The following CNTN1 variants were observed in gnomAD, a reference collection of about 807,000 sequenced individuals.
The protein encoded by CNTN1 is contactin-1.
In CNTN1, 38 loss-of-function variants were observed where a neutral mutation model predicts 126.4. The ratio of observed to expected loss-of-function variants is 0.30; its 90% CI spans 0.23 to 0.39. The LOEUF is 0.39. Among genes scored for constraint, CNTN1 ranks in the 10% least tolerant of loss-of-function variants. CNTN1 has a pLI of 1.00. For synonymous variants in CNTN1, 413 were observed against 422.6 expected (o/e 0.98, Z 0.28); for missense variants, 1,009 against 1,248.4 (o/e 0.81, Z 2.89).
At chr12:41,037,176 A>T (rs1260791887) in intron 23 of CNTN1, among the ~76,000 whole-genome samples, 2 of 152,168 alleles carry the variant, frequency 1.3e-5, no homozygotes, top group Non-Finnish European at 2.9e-5. Context: ...ATGGATTGGT[A>T]TGGTTTATTT....
chr12:40,811,840 A>AC, intron 1 of CNTN1, among the ~76,000 whole-genome samples: 1 of 143,670 alleles, frequency 7.0e-6, no homozygotes, highest in Middle Eastern at 3.6e-3. Flanking sequence ...AAAAAAAAAA[A>AC]CTCTTAGTGT....
At chr12:40,810,594 A>ATTT (rs35584090) in intron 1 of CNTN1, among the ~76,000 whole-genome samples, 1 of 148,090 alleles carries the variant, frequency 6.8e-6, no homozygotes, top group African/African-American at 2.5e-5. Context: ...TATGAGATTG[A>ATTT]TTTTTTTTTT....
At chr12:40,980,448 C>CAAAAAAAAAAAAAAAAACAA (rs5797694) in intron 15 of CNTN1, among the ~76,000 whole-genome samples, 1 of 128,598 alleles carries the variant, frequency 7.8e-6, no homozygotes. Context: ...GACCCTAACT[C>CAAAAAAAAAAAAAAAAACAA]AAAAAAAAAA....
intron 23 of CNTN1, among the ~76,000 whole-genome samples, chr12:41,038,893 T>C (rs910063928): frequency 6.6e-6 from 1 of 152,018 alleles, no homozygotes; most frequent in African/African-American, 2.4e-5. Flanking sequence ...AAGGAAATGC[T>C]TGAAAAAAAA....
intron 23 of CNTN1, among the ~76,000 whole-genome samples, chr12:41,030,386 A>G (rs751926139): frequency 6.6e-6 from 1 of 152,064 alleles, no homozygotes; most frequent in Non-Finnish European, 1.5e-5. Context: ...TCAAAATAGA[A>G]CTTTGATTTT....
chr12:41,053,149 A>G (rs1437227855), intron 23 of CNTN1, among the ~76,000 whole-genome samples: 1 of 151,506 alleles, frequency 6.6e-6, no homozygotes, highest in Non-Finnish European at 1.5e-5. Flanking sequence ...ATGCCATCAC[A>G]TTTGAAAAAT....
chr12:40,890,740 T>G (rs1212755615), intron 1 of CNTN1, among the ~76,000 whole-genome samples: 2 of 152,238 alleles, frequency 1.3e-5, no homozygotes, highest in Non-Finnish European at 2.9e-5. Flanking sequence ...ACAGGTTATT[T>G]ATTGATTCCT....
chr12:40,985,606 G>T (rs948697002), intron 16 of CNTN1, among the ~76,000 whole-genome samples: 7 of 152,118 alleles, frequency 4.6e-5, no homozygotes, highest in Non-Finnish European at 8.8e-5. Context: ...CCCTGCACTT[G>T]ATATGTCCCT....
chr12:41,047,622 GCCACT>G (rs1949574286), intron 23 of CNTN1, among the ~76,000 whole-genome samples: 1 of 151,876 alleles, frequency 6.6e-6, no homozygotes, highest in South Asian at 2.1e-4. Flanking sequence ...AGCCTCTAGG[GCCACT>G]CTTACTCATT....
At chr12:40,739,439 C>T (rs1306185934) in intron 1 of CNTN1, among the ~76,000 whole-genome samples, 3 of 152,026 alleles carry the variant, frequency 2.0e-5, no homozygotes, top group Non-Finnish European at 4.4e-5. Flanking sequence ...AAAACAATTT[C>T]AGGATATTTC....
At chr12:41,046,797 GTTC>G (rs1412936285) in intron 23 of CNTN1, among the ~76,000 whole-genome samples, 2 of 145,892 alleles carry the variant, frequency 1.4e-5, no homozygotes, top group African/African-American at 5.0e-5. Context: ...AACTCCAGCA[GTTC>G]TTCTACTTTC....
chr12:40,806,739 A>G (rs200598359), intron 1 of CNTN1, among the ~76,000 whole-genome samples: 1 of 152,132 alleles, frequency 6.6e-6, no homozygotes, highest in East Asian at 1.9e-4. Flanking sequence ...TTAAGTCTCA[A>G]TCACACACAT....
intron 23 of CNTN1, among the ~76,000 whole-genome samples, chr12:41,068,402 G>A (rs1021434788): frequency 1.3e-5 from 2 of 152,098 alleles, no homozygotes; most frequent in African/African-American, 4.8e-5. Context: ...CTTGAGGGCT[G>A]TTTATATTCC....
At position 40,922,191 on chromosome 12, in the gene CNTN1, G is replaced by A. The variant is rs1024759013; in HGVS notation, c.228-65G>A. 12 of 1,396,016 alleles carry A rather than the reference G, an allele frequency of 8.6e-6. No homozygotes were observed. The African/African-American group carries it at 1.1e-4, about 13-fold the overall frequency. 86.5% of individuals were successfully genotyped at this position (1,396,016 alleles called of 1,614,324 possible). A position where few individuals can be genotyped will look rare whatever the true frequency, so the allele number is the denominator to read the frequency against. On this transcript the variant is annotated intron_variant, in intron 4 of 23. Coordinates refer to ENST00000551295, the MANE Select transcript of CNTN1 (RefSeq NM_001843.4). ...CGTACCCAAATTATTTTAGAACTGT[G>A]TTAGCTCCGTAGAGTTTCTAGGTCT...
In CNTN1 at chr12:40,713,270, C is replaced by A. The variant is rs186762554; in HGVS notation, c.-77+20678C>A. 3.3e-5 allele frequency among the ~76,000 whole-genome samples: 5 copies of A among 149,346 alleles called. No individual in the cohort carries two copies. The East Asian group carries it at 9.8e-4, about 29-fold the overall frequency. ...AAAATATAATTGAAGTGATTTATGT[C>A]ATCTAGAGGAGTATTTTTTCTCCCT... is the stretch of plus-strand genomic sequence containing the variant. On this transcript the variant is annotated intron_variant, in intron 1 of 23. Coordinates refer to ENST00000551295, the MANE Select transcript of CNTN1 (RefSeq NM_001843.4).
At chr12:40,822,827 G>A (rs1451392124) in intron 1 of CNTN1, among the ~76,000 whole-genome samples, 6 of 152,066 alleles carry the variant, frequency 3.9e-5, no homozygotes, top group Middle Eastern at 3.2e-3. Context: ...CTGAGGTTTG[G>A]AGTATGATTG....
chr12:40,934,467 C>G (rs1158690969), intron 9 of CNTN1, among the ~76,000 whole-genome samples: 2 of 148,832 alleles, frequency 1.3e-5, no homozygotes, highest in African/African-American at 5.0e-5. Flanking sequence ...ATGGCACAAA[C>G]CTTTGATTTT....
intron 1 of CNTN1, among the ~76,000 whole-genome samples, chr12:40,804,092 C>T (rs1018228119): frequency 2.0e-5 from 3 of 151,912 alleles, no homozygotes; most frequent in African/African-American, 4.8e-5. Context: ...GGTAATGTGA[C>T]TCTCATTAAA....
rs1286346758 is a variant in CNTN1, at chr12:40,749,618, T to C, written c.-77+57026T>C. ...TAGTTACATATGTGGTTTTGTTTTTTGTGTTTTGTTTTTTTATTTTTTTTT... is the reference window on the plus strand; with the variant it reads ...TAGTTACATATGTGGTTTTGTTTTTCGTGTTTTGTTTTTTTATTTTTTTTT... On this transcript the variant is annotated intron_variant, in intron 1 of 23. Transcript: ENST00000551295. Among the ~76,000 whole-genome samples the C allele has an allele frequency of 2.1e-5, 3 of 143,136 alleles. 1 individual carries two copies. Among genetic ancestry groups the C allele is most frequent in the Non-Finnish European group, 4.7e-5 (3 of 63,812 alleles). 93.9% of individuals were successfully genotyped at this position (143,136 alleles called of 152,430 possible).
Sources: gnomAD v4.1 joint callset for allele counts (sites outside exome capture counted in the v4.1 genomes callset) on GRCh38, gnomAD v4.1.1 for gene constraint, MANE v1.5 for transcripts, NCBI Gene and HGNC (gene_info 2026-07-23, HGNC 2026-07-21) for gene names.